Variants in DCT observed in about 807,000 individuals in gnomAD.
DCT encodes the protein dopachrome tautomerase.
Under a neutral mutation model 53.0 loss-of-function variants are expected in DCT, and 47 were observed. The observed-to-expected ratio is 0.89, with a 90% CI of 0.70 to 1.13. The LOEUF (loss-of-function observed/expected upper bound fraction) is 1.13. DCT is among the 50% of genes most tolerant of loss of function. The probability of loss-of-function intolerance (pLI) is 0.00; values close to 1 mark genes in which losing one functional copy is unlikely to be tolerated. For missense variants in DCT, 669 were observed against 637.4 expected (o/e 1.05, Z -0.53); for synonymous variants, 244 against 237.0 (o/e 1.03, Z -0.27).
At chr13:94,452,494 A>T in intron 6 of DCT, 1 of 626,456 alleles carries the variant, frequency 1.6e-6, no homozygotes, top group South Asian at 2.0e-5. Context: ...GGTGACACAC[A>T]GGTATTAGGA....
the DCT span, among the ~76,000 whole-genome samples, chr13:94,531,484 C>A: frequency 2.8e-4 from 43 of 152,222 alleles, no homozygotes; most frequent in African/African-American, 8.2e-4. Flanking sequence ...AGAAATAACA[C>A]CACACATCTA....
upstream of DCT, among the ~76,000 whole-genome samples, chr13:94,482,373 C>A (rs546905022): frequency 2.0e-5 from 3 of 152,332 alleles, no homozygotes; most frequent in African/African-American, 7.2e-5. Context: ...TTCATTTCCA[C>A]CTTGGCCTTT....
chr13:94,469,889 A>T (rs1884521476), intron 1 of DCT, among the ~76,000 whole-genome samples: 1 of 152,190 alleles, frequency 6.6e-6, no homozygotes, highest in Non-Finnish European at 1.5e-5. Flanking sequence ...AGACTGGCCA[A>T]CATGGTGAAA....
At chr13:94,449,909 A>G (rs2139295132) in intron 6 of DCT, among the ~76,000 whole-genome samples, 1 of 152,318 alleles carries the variant, frequency 6.6e-6, no homozygotes, top group East Asian at 1.9e-4. Context: ...TACTACACAG[A>G]GAGAATATTT....
Position 94,466,645 on chromosome 13 carries a change from G to C in DCT, c.609C>G (p.Pro203=), listed in dbSNP as rs12876972. ...GATGTGAGAAATCTATGGCCCTGTA[G>C]GGGCGTCCTGGTCCTGAAACAATTG... is the stretch of plus-strand genomic sequence containing the variant. ...VRDTLLGPGR[P]YRAIDFSHQG... is the part of the protein sequence containing the mutation. Residue 203 remains proline, a synonymous_variant, in exon 3 of 8, where the codon CCC becomes CCG. Transcript: ENST00000377028. 8 of 1,601,638 alleles carry C rather than the reference G, an allele frequency of 5.0e-6. No homozygotes were observed. Among genetic ancestry groups the C allele is most frequent in the South Asian group, 2.3e-5 (2 of 88,454 alleles).
intron 1 of DCT, among the ~76,000 whole-genome samples, chr13:94,472,923 A>T (rs1884842237): frequency 6.6e-6 from 1 of 152,102 alleles, no homozygotes; most frequent in Non-Finnish European, 1.5e-5. Context: ...ATTATTAGAG[A>T]CCACTTATCA....
chr13:94,491,820 T>C, the DCT span, among the ~76,000 whole-genome samples: 1 of 152,204 alleles, frequency 6.6e-6, no homozygotes, highest in African/African-American at 2.4e-5. Flanking sequence ...TGTCAATCAG[T>C]ACTGGATCTC....
chr13:94,522,500 T>TTA, the DCT span, among the ~76,000 whole-genome samples: 129 of 151,600 alleles, frequency 8.5e-4, 1 homozygote, highest in African/African-American at 2.5e-3. Context: ...AAATTCCCCT[T>TTA]TATATATATA....
Position 94,460,143 on chromosome 13 carries a change from A to G in DCT, c.1127T>C (p.Leu376Pro). 3 of 1,614,178 alleles carry G rather than the reference A, an allele frequency of 1.9e-6. No individual in the cohort carries two copies. Among genetic ancestry groups the G allele is most frequent in the South Asian group, 1.1e-5 (1 of 91,088 alleles). Residue 376 changes from leucine (L) to proline (P), a missense_variant, in exon 6 of 8, where the codon CTG (leucine) becomes CCG (proline). Physicochemically the swap from Leu to Pro is moderately conservative, Grantham distance 98. Transcript: ENST00000377028. ...MSLHNLVHSFLNGTNALPHSA... is the reference protein window; with the variant it reads ...MSLHNLVHSFPNGTNALPHSA... ...ATGTGGCAAAGCGTTTGTCCCGTTC[A>G]GGAAGGAATGAACCAAATTATGAAG...
intron 4 of DCT, among the ~76,000 whole-genome samples, chr13:94,464,362 G>C (rs1306099122): frequency 1.3e-5 from 2 of 152,218 alleles, no homozygotes; most frequent in African/African-American, 4.8e-5. Context: ...TTTTGAGGCC[G>C]GGTGAGGTGG....
chr13:94,546,583 T>A, the DCT span, among the ~76,000 whole-genome samples: 1 of 152,062 alleles, frequency 6.6e-6, no homozygotes, highest in Non-Finnish European at 1.5e-5. The surrounding 1 kb of genome is among the most constrained non-coding windows in gnomAD (Gnocchi z 4.2). Context: ...AGGGAGCTAG[T>A]CAGGCATGAG....
the DCT span, among the ~76,000 whole-genome samples, chr13:94,504,566 A>G: frequency 6.6e-6 from 1 of 152,006 alleles, no homozygotes; most frequent in Non-Finnish European, 1.5e-5. Flanking sequence ...ATGGGGTTTC[A>G]TCTTGTTGGC....
the DCT span, among the ~76,000 whole-genome samples, chr13:94,545,359 C>T: frequency 6.6e-6 from 1 of 152,058 alleles, no homozygotes; most frequent in Non-Finnish European, 1.5e-5. Flanking sequence ...GTCCAGCAAG[C>T]CCGTCTGCTA....
the DCT span, among the ~76,000 whole-genome samples, chr13:94,489,195 C>T: frequency 2.6e-5 from 4 of 151,960 alleles, no homozygotes; most frequent in Admixed American, 1.3e-4. Flanking sequence ...TTAAAAATTT[C>T]GTTAATAAAA....
the DCT span, among the ~76,000 whole-genome samples, chr13:94,546,693 G>A: frequency 1.3e-5 from 2 of 152,058 alleles, no homozygotes; most frequent in Non-Finnish European, 2.9e-5. The surrounding 1 kb of genome is among the most constrained non-coding windows in gnomAD (Gnocchi z 4.2). Context: ...GTAATTGGTC[G>A]CAGCCAGCCC....
the DCT span, among the ~76,000 whole-genome samples, chr13:94,528,494 T>A: frequency 2.6e-5 from 4 of 152,192 alleles, no homozygotes; most frequent in Non-Finnish European, 5.9e-5. Flanking sequence ...TTCAACATTC[T>A]TAAAGAAAAG....
intron 6 of DCT, among the ~76,000 whole-genome samples, chr13:94,458,077 G>A (rs1376998008): frequency 6.6e-6 from 1 of 152,140 alleles, no homozygotes; most frequent in Non-Finnish European, 1.5e-5. Flanking sequence ...CAAGATGCAA[G>A]ATGCGTGACA....
the DCT span, among the ~76,000 whole-genome samples, chr13:94,492,317 C>T: frequency 6.6e-6 from 1 of 152,186 alleles, no homozygotes; most frequent in Non-Finnish European, 1.5e-5. Flanking sequence ...ACAGAGGGGT[C>T]CACAGAACTC....
chr13:94,459,227 A>C (rs1168831899), intron 6 of DCT, among the ~76,000 whole-genome samples: 1 of 152,162 alleles, frequency 6.6e-6, no homozygotes, highest in Non-Finnish European at 1.5e-5. Flanking sequence ...CTGATATACC[A>C]AAGGAGTTCA....
Sources: gnomAD v4.1 joint callset for allele counts (sites outside exome capture counted in the v4.1 genomes callset) on GRCh38, gnomAD v4.1.1 for gene constraint, Gnocchi (gnomAD v3.1) non-coding constraint, MANE v1.5 for transcripts, NCBI Gene and HGNC (gene_info 2026-07-23, HGNC 2026-07-21) for gene names.